The following PTPRN2 variants were observed in gnomAD, a reference collection of about 807,000 sequenced individuals.
PTPRN2 encodes the protein protein tyrosine phosphatase receptor type N2, also known as receptor-type tyrosine-protein phosphatase N2.
Under a neutral mutation model 118.8 loss-of-function variants are expected in PTPRN2, and 74 were observed. That is an observed-to-expected ratio of 0.62 (90% CI 0.52 to 0.76). PTPRN2 has a LOEUF of 0.76. Among genes scored for constraint, PTPRN2 ranks in the 30% least tolerant of loss-of-function variants. The pLI, the probability that PTPRN2 is intolerant of heterozygous loss-of-function variation, is 0.00. For missense variants in PTPRN2, 1,481 were observed against 1,394.4 expected, an observed-to-expected ratio of 1.06 and a Z score of -0.99; for synonymous variants, 641 against 608.0, an observed-to-expected ratio of 1.05 and a Z score of -0.80.
chr7:158,146,947 C>A lies in PTPRN2; in HGVS notation c.911-8432G>T, dbSNP rs1820132837. ...CCCCATCTCACGCCACGTGTCTTTC[C>A]CCCTCAATGACACCCCATCTCACGC... On this transcript the variant is annotated intron_variant, in intron 6 of 22. Transcript: ENST00000389418. Among the ~76,000 whole-genome samples, 3 of 147,850 alleles carry A rather than the reference C, an allele frequency of 2.0e-5. 1 individual carries two copies. Among genetic ancestry groups the A allele is most frequent in the Admixed American group, 6.8e-5 (1 of 14,736 alleles).
At chr7:158,092,302 G>T (rs1814256323) in intron 10 of PTPRN2, among the ~76,000 whole-genome samples, 2 of 147,494 alleles carry the variant, frequency 1.4e-5, no homozygotes. Context: ...ATGTAGGTGA[G>T]TGGGTGGGAG....
At chr7:158,326,742 GCA>G (rs1415986176) in intron 2 of PTPRN2, among the ~76,000 whole-genome samples, 34 of 141,900 alleles carry the variant, frequency 2.4e-4, no homozygotes, top group African/African-American at 6.4e-4. Flanking sequence ...TCACACACAT[GCA>G]CATTCTCACA....
chr7:157,766,296 T>C (rs1018918502), intron 12 of PTPRN2, among the ~76,000 whole-genome samples: 1 of 148,700 alleles, frequency 6.7e-6, no homozygotes, highest in Non-Finnish European at 1.5e-5. Context: ...ACATCCATCA[T>C]CCATTCTTCT....
intron 12 of PTPRN2, among the ~76,000 whole-genome samples, chr7:157,878,257 C>T (rs1795902197): frequency 2.0e-5 from 3 of 152,248 alleles, no homozygotes; most frequent in South Asian, 4.1e-4. Context: ...CCTGAGGCTC[C>T]TTAAAGGGGC....
intron 2 of PTPRN2, among the ~76,000 whole-genome samples, chr7:158,370,612 C>T (rs797019940): frequency 2.1e-4 from 32 of 151,190 alleles, no homozygotes; most frequent in African/African-American, 6.8e-4. Context: ...ATTAGCTGGG[C>T]GTGGTGGTGG....
intron 2 of PTPRN2, among the ~76,000 whole-genome samples, chr7:158,369,259 A>G (rs11761266): frequency 0.29 from 15,222 of 51,976 alleles, 931 homozygotes; most frequent in East Asian, 0.51. Context: ...TTATATATAT[A>G]TACACACATA....
chr7:157,979,381 C>T (rs1802968206), intron 11 of PTPRN2, among the ~76,000 whole-genome samples: 2 of 152,194 alleles, frequency 1.3e-5, no homozygotes, highest in South Asian at 4.1e-4. Context: ...AAGTTAAGAA[C>T]ATTCCACATC....
At chr7:157,848,719 T>C (rs971914699) in intron 12 of PTPRN2, among the ~76,000 whole-genome samples, 6 of 152,190 alleles carry the variant, frequency 3.9e-5, no homozygotes, top group Non-Finnish European at 8.8e-5. Context: ...AGAGCTGAAG[T>C]GAGTGGGGCC....
At chr7:157,666,249 C>T (rs552164239) in intron 13 of PTPRN2, among the ~76,000 whole-genome samples, 15 of 152,222 alleles carry the variant, frequency 9.9e-5, no homozygotes, top group East Asian at 3.9e-4. Context: ...CACATCTTTC[C>T]GGAAAGCTCT....
intron 2 of PTPRN2, among the ~76,000 whole-genome samples, chr7:158,362,257 CTGG>C (rs1344037059): frequency 6.6e-6 from 1 of 152,230 alleles, no homozygotes; most frequent in African/African-American, 2.4e-5. Context: ...CGGCCTCAGC[CTGG>C]TGTCTCCCAA....
At chr7:158,353,864 C>A (rs754603319) in intron 2 of PTPRN2, among the ~76,000 whole-genome samples, 2 of 152,192 alleles carry the variant, frequency 1.3e-5, no homozygotes, top group African/African-American at 4.8e-5. Context: ...TGCCTCAACC[C>A]ATGGGGAGCA....
At chr7:158,096,547 C>T (rs1814637735) in intron 10 of PTPRN2, among the ~76,000 whole-genome samples, 1 of 152,262 alleles carries the variant, frequency 6.6e-6, no homozygotes, top group African/African-American at 2.4e-5. Context: ...GTTGTCTCAT[C>T]TTAAAGACGG....
intron 11 of PTPRN2, among the ~76,000 whole-genome samples, chr7:157,937,761 T>C (rs1451694378): frequency 1.3e-5 from 2 of 152,216 alleles, no homozygotes; most frequent in Non-Finnish European, 2.9e-5. Flanking sequence ...ATGAATGGAT[T>C]CATATTTACA....
At chr7:157,710,811 C>T (rs1316142480) in intron 12 of PTPRN2, among the ~76,000 whole-genome samples, 6 of 150,134 alleles carry the variant, frequency 4.0e-5, no homozygotes, top group African/African-American at 7.4e-5. Context: ...GAGCCCCACG[C>T]GCCGGAGGTT....
intron 12 of PTPRN2, among the ~76,000 whole-genome samples, chr7:157,735,948 G>A (rs1800270659): frequency 6.6e-6 from 1 of 152,254 alleles, no homozygotes; most frequent in African/African-American, 2.4e-5. Flanking sequence ...GGCCCTTTCT[G>A]AGCTGAAGGT....
intron 11 of PTPRN2, among the ~76,000 whole-genome samples, chr7:157,901,017 G>A (rs966568708): frequency 1.3e-5 from 2 of 152,232 alleles, no homozygotes; most frequent in African/African-American, 2.4e-5. Context: ...TGGCACAGGT[G>A]TCTGCATCTG....
chr7:158,071,587 TGG>T (rs2128920651), intron 11 of PTPRN2, among the ~76,000 whole-genome samples: 5 of 98,542 alleles, frequency 5.1e-5, no homozygotes, highest in African/African-American at 1.7e-4. Flanking sequence ...GTGCTCCTGG[TGG>T]AGGTGCTCCT....
intron 11 of PTPRN2, among the ~76,000 whole-genome samples, chr7:157,989,487 CAGAG>C (rs1194618448): frequency 6.8e-6 from 1 of 146,462 alleles, no homozygotes; most frequent in Non-Finnish European, 1.5e-5. Flanking sequence ...GGGTAAGACT[CAGAG>C]GGCAGAAGAA....
At chr7:158,484,139 G>A (rs1321071107) in intron 2 of PTPRN2, among the ~76,000 whole-genome samples, 2 of 151,888 alleles carry the variant, frequency 1.3e-5, no homozygotes, top group Non-Finnish European at 2.9e-5. Flanking sequence ...ACAAGTGCTT[G>A]TCTTAAAAAA....
Sources: gnomAD v4.1 joint callset for allele counts (sites outside exome capture counted in the v4.1 genomes callset) on GRCh38, gnomAD v4.1.1 for gene constraint, MANE v1.5 for transcripts, NCBI Gene and HGNC (gene_info 2026-07-23, HGNC 2026-07-21) for gene names.